Variants in SIPA1L3 observed in about 807,000 individuals in gnomAD.
SIPA1L3 encodes the protein signal-induced proliferation-associated 1-like protein 3.
A neutral mutation model predicts 150.1 loss-of-function variants in SIPA1L3; 59 were observed. That is an observed-to-expected ratio of 0.39 (90% CI 0.32 to 0.49). SIPA1L3 has a LOEUF of 0.49. Ranked by LOEUF, SIPA1L3 falls within the 20% of genes least tolerant of loss-of-function variation. The pLI, the probability that SIPA1L3 is intolerant of heterozygous loss-of-function variation, is 0.86. For missense variants in SIPA1L3, 2,211 were observed against 2,489.5 expected, an observed-to-expected ratio of 0.89 and a Z score of 2.38; for synonymous variants, 1,070 against 1,077.6, an observed-to-expected ratio of 0.99 and a Z score of 0.14.
intron 1 of SIPA1L3, among the ~76,000 whole-genome samples, chr19:38,025,469 C>T (rs1485828929): frequency 2.6e-5 from 4 of 152,202 alleles, no homozygotes; most frequent in African/African-American, 9.7e-5. Context: ...GGCCCTTTGG[C>T]ATCTTCCTCT....
chr19:37,915,803 C>G (rs141843275), intron 1 of SIPA1L3, among the ~76,000 whole-genome samples: 8 of 152,308 alleles, frequency 5.3e-5, no homozygotes, highest in African/African-American at 1.9e-4. Context: ...GCATCATGAC[C>G]TGTGTGCACT....
At chr19:37,943,281 T>G (rs1262811833) in intron 1 of SIPA1L3, among the ~76,000 whole-genome samples, 3 of 152,114 alleles carry the variant, frequency 2.0e-5, no homozygotes, top group African/African-American at 7.2e-5. Context: ...AGTGAAGTCC[T>G]TAATCCTTGT....
intron 1 of SIPA1L3, among the ~76,000 whole-genome samples, chr19:38,025,793 C>T (rs1221682428): frequency 6.6e-6 from 1 of 152,176 alleles, no homozygotes; most frequent in Non-Finnish European, 1.5e-5. Flanking sequence ...GTCTGGTTCC[C>T]TCCTGCCCTG....
chr19:38,134,706 G>T (rs1971393717), intron 10 of SIPA1L3, among the ~76,000 whole-genome samples: 1 of 43,984 alleles, frequency 2.3e-5, no homozygotes, highest in African/African-American at 1.5e-4. Context: ...CTCTGTTTCA[G>T]GAAAAAAAAA....
intron 1 of SIPA1L3, among the ~76,000 whole-genome samples, chr19:37,968,359 A>G (rs1048609091): frequency 9.2e-5 from 14 of 152,174 alleles, no homozygotes; most frequent in African/African-American, 3.4e-4. Context: ...GGCATGAGCC[A>G]CCGCGCCCGG....
At chr19:38,092,920 C>T (rs367629417) in intron 4 of SIPA1L3, among the ~76,000 whole-genome samples, 33 of 144,030 alleles carry the variant, frequency 2.3e-4, no homozygotes, top group East Asian at 6.2e-4. Context: ...AGGGCAGTGG[C>T]GTGATCTCTG....
chr19:38,026,158 G>T (rs556629096), intron 1 of SIPA1L3, among the ~76,000 whole-genome samples: 2 of 152,166 alleles, frequency 1.3e-5, no homozygotes, highest in South Asian at 4.1e-4. Flanking sequence ...CCAGGGCCTG[G>T]TGAGGTTGTC....
intron 1 of SIPA1L3, among the ~76,000 whole-genome samples, chr19:37,999,050 A>G (rs569781901): frequency 6.8e-4 from 103 of 152,086 alleles, no homozygotes; most frequent in African/African-American, 2.3e-3. Flanking sequence ...TGTGACCATG[A>G]AAAGCACTGC....
At chr19:38,135,033 C>T (rs182361831) in intron 10 of SIPA1L3, among the ~76,000 whole-genome samples, 20 of 152,270 alleles carry the variant, frequency 1.3e-4, no homozygotes, top group Admixed American at 1.1e-3. Context: ...ACGAGAAAAC[C>T]GAGGCCCAGA....
intron 8 of SIPA1L3, among the ~76,000 whole-genome samples, chr19:38,112,111 A>C (rs855631): frequency 8.8e-5 from 13 of 147,520 alleles, no homozygotes; most frequent in South Asian, 4.3e-4. Context: ...ATGCACACAC[A>C]TACATGCACA....
intron 3 of SIPA1L3, among the ~76,000 whole-genome samples, chr19:38,084,621 GT>G (rs1025065880): frequency 1.6e-4 from 20 of 121,892 alleles, no homozygotes; most frequent in African/African-American, 5.3e-4. Flanking sequence ...TTTTTTTGTT[GT>G]TTTTTTCTTT....
intron 3 of SIPA1L3, among the ~76,000 whole-genome samples, 165 bp from the exon 4 acceptor site, chr19:38,088,556 G>C (rs546918766): frequency 2.0e-5 from 3 of 152,318 alleles, no homozygotes; most frequent in African/African-American, 7.2e-5. Context: ...GCCTCTTACA[G>C]TGTCTCCACT....
chr19:38,148,929 CT>C (rs2145954073), intron 12 of SIPA1L3, among the ~76,000 whole-genome samples: 1 of 152,334 alleles, frequency 6.6e-6, no homozygotes, highest in South Asian at 2.1e-4. Flanking sequence ...ATCTTCTCTT[CT>C]GCCGGGGATG....
intron 1 of SIPA1L3, among the ~76,000 whole-genome samples, chr19:37,962,254 C>A (rs1156272524): frequency 6.6e-6 from 1 of 150,894 alleles, no homozygotes; most frequent in Non-Finnish European, 1.5e-5. Flanking sequence ...AGCAATTCTC[C>A]TGCCTCAGCC....
chr19:38,206,178 GC>G lies in SIPA1L3; in HGVS notation c.5286del (p.Ala1763ProfsTer70). ...CCAGCGGCTGCAGGAGGAGTCGCAG[GC>G]CGCCAGCGAGCAGCTGCGCAAGTTT... ...NNQRLQEESQ[A>X]ASEQLRKFAE... is the part of the protein sequence containing the mutation. On this transcript the variant is annotated frameshift_variant, in exon 22 of 22. Coordinates refer to ENST00000222345, the MANE Select transcript of SIPA1L3 (RefSeq NM_015073.3). LOFTEE classifies it high-confidence loss of function. The G allele has an allele frequency of 6.4e-7, 1 of 1,554,476 alleles. No individual in the cohort carries two copies. Among genetic ancestry groups the G allele is most frequent in the Non-Finnish European group, 8.7e-7 (1 of 1,148,834 alleles).
At chr19:37,944,313 G>A (rs1048720081) in intron 1 of SIPA1L3, among the ~76,000 whole-genome samples, 1 of 151,358 alleles carries the variant, frequency 6.6e-6, no homozygotes, top group African/African-American at 2.4e-5. Flanking sequence ...CTGCTTCATT[G>A]TCTTGACCTA....
chr19:38,102,939 A>G (rs1331760897), intron 6 of SIPA1L3, among the ~76,000 whole-genome samples: 1 of 152,018 alleles, frequency 6.6e-6, no homozygotes, highest in African/African-American at 2.4e-5. Flanking sequence ...AGCCTGGCCA[A>G]AATGGTGAAA....
chr19:37,995,252 C>T (rs1210894038), intron 1 of SIPA1L3, among the ~76,000 whole-genome samples: 1 of 152,166 alleles, frequency 6.6e-6, no homozygotes, highest in Non-Finnish European at 1.5e-5. Flanking sequence ...CAGCAAGAGA[C>T]AGGGGATGGC....
At chr19:38,053,919 C>T (rs774319973) in intron 2 of SIPA1L3, among the ~76,000 whole-genome samples, 5 of 149,558 alleles carry the variant, frequency 3.3e-5, no homozygotes, top group Middle Eastern at 3.4e-3. Flanking sequence ...TTTTTGCCAT[C>T]GAAAGCAATG....
Sources: allele counts gnomAD v4.1 joint callset (sites outside exome capture counted in the v4.1 genomes callset), GRCh38; gene constraint gnomAD v4.1.1; transcripts MANE v1.5; gene names NCBI Gene and HGNC (gene_info 2026-07-23, HGNC 2026-07-21).